LIFR: variants seen among roughly 807,000 people sequenced by gnomAD.
The protein encoded by LIFR is LIF receptor subunit alpha.
LIFR carries 84 observed loss-of-function variants against 122.2 expected under a neutral mutation model. The observed-to-expected ratio is 0.69, with a 90% confidence interval of 0.58 to 0.82. LIFR has a LOEUF of 0.82. Ranked by LOEUF, LIFR falls within the 40% of genes least tolerant of loss-of-function variation. The pLI is 0.00. For missense variants in LIFR, 1,294 were observed against 1,311.6 expected (o/e 0.99, Z 0.21); for synonymous variants, 422 against 434.7 (o/e 0.97, Z 0.36).
chr5:38,596,586 T>C (rs1257436793), upstream of LIFR, among the ~76,000 whole-genome samples: 1 of 152,204 alleles, frequency 6.6e-6, no homozygotes, highest in Non-Finnish European at 1.5e-5. Flanking sequence ...TAGAGCTCTT[T>C]ACCTGGCTCG....
At position 38,481,708 on chromosome 5, in the gene LIFR, A is replaced by T; in HGVS notation, c.3181T>A (p.Cys1061Ser). 1 of 1,614,202 alleles carries T rather than the reference A, an allele frequency of 6.2e-7. No homozygotes were observed. Among genetic ancestry groups the T allele is most frequent in the Non-Finnish European group, 8.5e-7 (1 of 1,180,034 alleles). ...AAAAATTGTCGGGAATTAATGGAGC[A>T]TGGACTTCCAAATGAGACAATCTCA... ...NSEIVSFGSPCSINSRQFLIP... is the reference protein window; with the variant it reads ...NSEIVSFGSPSSINSRQFLIP... The change falls in exon 20 of 20, where the codon TGC becomes AGC. Residue 1061 changes from cysteine (C) to serine (S), a missense_variant. Cys to Ser is a moderately radical substitution (Grantham distance 112, BLOSUM62 -1). Coordinates refer to ENST00000453190, the MANE Select transcript of LIFR (RefSeq NM_001127671.2).
At chr5:38,560,615 T>A (rs1748800360), upstream of LIFR, among the ~76,000 whole-genome samples, 1 of 151,632 alleles carries the variant, frequency 6.6e-6, no homozygotes, top group African/African-American at 2.4e-5. Context: ...TTTTTTTTTT[T>A]AGGCAGAGTC....
intron 12 of LIFR, 98 bp downstream of exon 12, chr5:38,499,415 T>A: frequency 3.6e-6 from 3 of 826,970 alleles, no homozygotes; most frequent in Non-Finnish European, 6.3e-6. Context: ...CAAAAGCCAG[T>A]CTGGGAAGTT....
At chr5:38,494,824 T>A (rs1360913087) in intron 13 of LIFR, among the ~76,000 whole-genome samples, 1 of 152,038 alleles carries the variant, frequency 6.6e-6, no homozygotes, top group Non-Finnish European at 1.5e-5. Flanking sequence ...GAGTACTTAA[T>A]CACCCACAGG....
At chr5:38,511,492 A>G (rs1483404063) in intron 6 of LIFR, among the ~76,000 whole-genome samples, 1 of 151,438 alleles carries the variant, frequency 6.6e-6, no homozygotes, top group African/African-American at 2.4e-5. Context: ...TTTTAAACAT[A>G]GATTTCATCT....
chr5:38,586,336 CT>C (rs2112752135), intron 1 of LIFR, among the ~76,000 whole-genome samples: 2 of 152,192 alleles, frequency 1.3e-5, no homozygotes, highest in Admixed American at 1.3e-4. Context: ...CTTAAGAGAC[CT>C]GGTCAGTTGG....
upstream of LIFR, among the ~76,000 whole-genome samples, chr5:38,597,063 A>G (rs1332326834): frequency 6.6e-6 from 1 of 152,242 alleles, no homozygotes; most frequent in African/African-American, 2.4e-5. Flanking sequence ...CCTTGCACAG[A>G]TCAAAGGGAG....
In LIFR at chr5:38,496,513, G is replaced by A. The variant is rs1262309726; in HGVS notation, c.1754C>T (p.Ser585Phe). Residue 585 changes from serine (S) to phenylalanine (F), a missense_variant, in exon 13 of 20, where the codon TCT becomes TTT. Transcript: ENST00000453190. ...TTTGTGCTGAGGATCAGGGATTTCA[G>A]AAAGGGACTGTGTTTCCTCATCTGA... ...CSSDEETQSL[S>F]EIPDPQHKAE... is the part of the protein sequence containing the mutation. 6 of 1,613,890 alleles carry A rather than the reference G, an allele frequency of 3.7e-6. No individual in the cohort carries two copies. The highest frequency in any genetic ancestry group is 5.1e-6 in the Non-Finnish European group (6 of 1,179,756).
At chr5:38,545,046 G>A (rs1030225938) in intron 1 of LIFR, among the ~76,000 whole-genome samples, 2 of 152,154 alleles carry the variant, frequency 1.3e-5, no homozygotes, top group Admixed American at 6.5e-5. Context: ...GAAGCCTGTG[G>A]ATCACCTGAG....
At chr5:38,517,856 CAAAAA>C (rs572954936) in intron 5 of LIFR, among the ~76,000 whole-genome samples, 43 of 15,042 alleles carry the variant, frequency 2.9e-3, no homozygotes, top group African/African-American at 0.012. Flanking sequence ...GACACTGTCT[CAAAAA>C]AAAAAAAAAA....
At chr5:38,549,535 G>A (rs1051680958) in intron 1 of LIFR, among the ~76,000 whole-genome samples, 2 of 152,178 alleles carry the variant, frequency 1.3e-5, no homozygotes, top group African/African-American at 4.8e-5. Flanking sequence ...GCTAACGCCT[G>A]TAATCCCAGC....
rs543824186 is a variant in LIFR, at chr5:38,503,996, A to G, written c.1417T>C (p.Ser473Pro). ...CTTACCTGCTCTTGTACTGAATTAG[A>G]TTTCTTAATTTCAATTTCACATAAA... ...NFLCEIEIKKSNSVQEQRNVT... is the reference protein window; with the variant it reads ...NFLCEIEIKKPNSVQEQRNVT... The change falls in exon 10 of 20, where the codon TCT becomes CCT. Residue 473 changes from serine to proline, a missense_variant. Coordinates refer to ENST00000453190, the MANE Select transcript of LIFR (RefSeq NM_001127671.2). 296 of 1,580,078 alleles carry G rather than the reference A, an allele frequency of 1.9e-4. 2 individuals are homozygous for G. The South Asian group carries it at 3.1e-3, about 17-fold the overall frequency.
At chr5:38,513,287 C>A (rs1045405262) in intron 5 of LIFR, among the ~76,000 whole-genome samples, 1 of 152,154 alleles carries the variant, frequency 6.6e-6, no homozygotes, top group Non-Finnish European at 1.5e-5. Context: ...ATGGGAAATA[C>A]AGGAAAACAG....
intron 6 of LIFR, among the ~76,000 whole-genome samples, chr5:38,511,252 G>A (rs1189371436): frequency 6.6e-6 from 1 of 152,032 alleles, no homozygotes; most frequent in Non-Finnish European, 1.5e-5. Flanking sequence ...TTTATCCATA[G>A]AGTGATCTAT....
At position 38,484,531 on chromosome 5, in the gene LIFR, ACTG is replaced by A. The variant is rs771027999; in HGVS notation, c.2591+241_2591+243del. Among the ~76,000 whole-genome samples the A allele has an allele frequency of 3.0e-4, 46 of 152,364 alleles. No homozygotes were observed. The East Asian group carries it at 7.3e-3, about 24-fold the overall frequency. On this transcript the variant is annotated intron_variant, in intron 18 of 19. Coordinates refer to ENST00000453190, the MANE Select transcript of LIFR (RefSeq NM_001127671.2). ...CCTATAAATATTTTTTATAATAGTA[ACTG>A]CTATGACTTTAAATTATTAGGAAAA...
intron 17 of LIFR, 115 bp from the exon 18 acceptor site, chr5:38,484,983 A>T (rs1744205402): frequency 1.4e-6 from 1 of 719,698 alleles, no homozygotes. Flanking sequence ...AACAAAATTA[A>T]CTGCTGCAGG....
intron 13 of LIFR, among the ~76,000 whole-genome samples, chr5:38,495,704 A>T (rs1744840927): frequency 6.6e-6 from 1 of 152,194 alleles, no homozygotes. Context: ...AAATGACTGG[A>T]GCACAGAGGT....
At chr5:38,577,725 C>T (rs567259128) in intron 1 of LIFR, among the ~76,000 whole-genome samples, 118 of 152,238 alleles carry the variant, frequency 7.8e-4, no homozygotes, top group African/African-American at 2.8e-3. Context: ...CTGAAATAGC[C>T]CTTGATCTTC....
intron 5 of LIFR, 131 bp from the exon 6 acceptor site, chr5:38,512,095 C>T: frequency 1.1e-6 from 1 of 880,334 alleles, no homozygotes; most frequent in Non-Finnish European, 1.9e-6. Context: ...TAATACAACT[C>T]AGTTTTGTGT....
Sources: gnomAD v4.1 joint callset for allele counts (sites outside exome capture counted in the v4.1 genomes callset) on GRCh38, gnomAD v4.1.1 for gene constraint, MANE v1.5 for transcripts, NCBI Gene and HGNC (gene_info 2026-07-23, HGNC 2026-07-21) for gene names.